The following DLG2 variants were observed in gnomAD, a reference collection of about 807,000 sequenced individuals.
The protein encoded by DLG2 is discs large MAGUK scaffold protein 2, also known as disks large homolog 2.
DLG2 carries 45 observed loss-of-function variants against 132.5 expected under a neutral mutation model. The ratio of observed to expected loss-of-function variants is 0.34; its 90% confidence interval spans 0.27 to 0.44. The LOEUF (loss-of-function observed/expected upper bound fraction) is 0.44, where lower values mean the gene tolerates loss of function less well. Among genes scored for constraint, DLG2 ranks in the 20% least tolerant of loss-of-function variants. The pLI is 1.00. For synonymous variants in DLG2, 424 were observed against 419.6 expected (o/e 1.01, Z -0.13); for missense variants, 1,045 against 1,196.9 (o/e 0.87, Z 1.87).
chr11:84,714,313 T>C (rs1234733265), intron 6 of DLG2, among the ~76,000 whole-genome samples: 4 of 152,156 alleles, frequency 2.6e-5, no homozygotes, highest in African/African-American at 9.7e-5. Flanking sequence ...ACTAATGTTT[T>C]ACAACAAAGT....
intron 3 of DLG2, among the ~76,000 whole-genome samples, chr11:85,571,469 A>C (rs1270251519): frequency 6.6e-6 from 1 of 152,142 alleles, no homozygotes. Context: ...ACTCTTGTGT[A>C]TGCTAGGATA....
intron 6 of DLG2, among the ~76,000 whole-genome samples, chr11:84,540,778 C>G (rs1344151427): frequency 6.6e-6 from 1 of 152,184 alleles, no homozygotes; most frequent in Non-Finnish European, 1.5e-5. Context: ...ATACCAAAGA[C>G]TTGGAACCAA....
At chr11:84,163,615 T>C (rs1596409415) in intron 8 of DLG2, 104 bp from the exon 9 acceptor site, 4 of 860,714 alleles carry the variant, frequency 4.6e-6, no homozygotes, top group East Asian at 2.7e-5. Context: ...ATTCTAGCTA[T>C]AAATAACCAC....
chr11:84,883,000 A>G (rs2087602664), intron 6 of DLG2, among the ~76,000 whole-genome samples: 1 of 152,144 alleles, frequency 6.6e-6, no homozygotes, highest in South Asian at 2.1e-4. Flanking sequence ...TTATAAAGAC[A>G]CATGCACACG....
intron 6 of DLG2, among the ~76,000 whole-genome samples, chr11:84,876,646 T>C (rs141081254): frequency 0.15 from 22,366 of 152,164 alleles, 1,739 homozygotes; most frequent in African/African-American, 0.2. Flanking sequence ...CCTGGATTCA[T>C]TGATTTTTTG....
chr11:83,671,966 T>C (rs985710520), intron 18 of DLG2, among the ~76,000 whole-genome samples: 3 of 152,126 alleles, frequency 2.0e-5, no homozygotes, highest in African/African-American at 7.2e-5. Context: ...GTTTCCCCTA[T>C]GTCTCTTTTT....
At chr11:83,949,760 GC>G (rs1231930405) in intron 14 of DLG2, among the ~76,000 whole-genome samples, 1 of 151,958 alleles carries the variant, frequency 6.6e-6, no homozygotes, top group Admixed American at 6.6e-5. Flanking sequence ...CTTGACATGT[GC>G]CTAGACTTAT....
chr11:84,857,685 T>C (rs1230493138), intron 6 of DLG2, among the ~76,000 whole-genome samples: 1 of 152,076 alleles, frequency 6.6e-6, no homozygotes, highest in African/African-American at 2.4e-5. Context: ...TTGCTATGTC[T>C]CCCCATCTAA....
At chr11:84,796,551 C>T (rs1008345385) in intron 6 of DLG2, among the ~76,000 whole-genome samples, 1 of 152,186 alleles carries the variant, frequency 6.6e-6, no homozygotes, top group African/African-American at 2.4e-5. Context: ...GGTTGAAGAA[C>T]TCCCTTTAGC....
At chr11:83,632,061 A>G (rs1256337065) in intron 19 of DLG2, 1 of 152,180 alleles carries the variant, frequency 6.6e-6, no homozygotes, top group African/African-American at 2.4e-5. Flanking sequence ...TAGGGTTAAT[A>G]ACTTGTTTTT....
chr11:83,898,602 A>G lies in DLG2; in HGVS notation c.1497-24114T>C, dbSNP rs182266427. 7.1e-4 allele frequency among the ~76,000 whole-genome samples: 108 copies of G among 152,212 alleles called. 1 individual carries two copies. In the Middle Eastern group the frequency reaches 0.014, roughly 20 times the overall value. On this transcript the variant is annotated intron_variant, in intron 15 of 27. Coordinates refer to ENST00000376104, the MANE Select transcript of DLG2 (RefSeq NM_001142699.3). ...TTTCTATTATTACTTTCTATGAGAT[A>G]TTATTTAAAAAATAAATCTCATTGG...
chr11:85,049,978 A>C (rs1390346927), intron 6 of DLG2, among the ~76,000 whole-genome samples: 1 of 152,028 alleles, frequency 6.6e-6, no homozygotes, highest in East Asian at 1.9e-4. Context: ...CTATGATGGG[A>C]ATCTCTAGCT....
intron 6 of DLG2, among the ~76,000 whole-genome samples, chr11:85,017,389 A>G (rs2059664312): frequency 6.7e-6 from 1 of 148,166 alleles, no homozygotes; most frequent in South Asian, 2.1e-4. Flanking sequence ...CTGTAACCTG[A>G]TTTTTGCCCC....
intron 6 of DLG2, among the ~76,000 whole-genome samples, chr11:84,712,889 C>T (rs975509889): frequency 1.3e-5 from 2 of 152,070 alleles, no homozygotes; most frequent in African/African-American, 2.4e-5. Context: ...ACATTGAGTT[C>T]GAAACTAGAA....
chr11:85,624,587 T>C (rs76474713), intron 2 of DLG2, among the ~76,000 whole-genome samples: 5,558 of 152,302 alleles, frequency 0.036, 156 homozygotes, highest in Admixed American at 0.053. Context: ...TCTTATATTA[T>C]ATAAACAGTA....
At position 84,106,957 on chromosome 11, in the gene DLG2, AGAG is replaced by A. The variant is rs2092987907; in HGVS notation, c.625-7913_625-7911del. On this transcript the variant is annotated intron_variant, in intron 9 of 27. Transcript: ENST00000376104. ...GAGTGTGTGTGTGAGAGAGAGAAAG[AGAG>A]AGAGAGTTTTAGCCTTAGGGTGTGT... 3.7e-4 allele frequency among the ~76,000 whole-genome samples: 7 copies of A among 18,954 alleles called. No homozygotes were observed. The South Asian group carries it at 0.01, about 28-fold the overall frequency. 12.4% of individuals were successfully genotyped at this position (18,954 alleles called of 152,430 possible).
chr11:84,953,701 T>A (rs2051252744), intron 6 of DLG2, among the ~76,000 whole-genome samples: 1 of 152,192 alleles, frequency 6.6e-6, no homozygotes, highest in South Asian at 2.1e-4. Flanking sequence ...CATCCTACTT[T>A]ATTTTCCATA....
intron 21 of DLG2, among the ~76,000 whole-genome samples, chr11:83,507,794 A>AAC (rs2094806611): frequency 9.1e-6 from 1 of 109,752 alleles, no homozygotes; most frequent in Admixed American, 9.1e-5. Flanking sequence ...ATATATATAT[A>AAC]TATATGTATA....
Position 85,137,586 on chromosome 11 carries a change from C to T in DLG2, c.282+16970G>A, listed in dbSNP as rs563828204. On this transcript the variant is annotated intron_variant, in intron 5 of 27. Coordinates refer to ENST00000376104, the MANE Select transcript of DLG2 (RefSeq NM_001142699.3). ...TCCATGCAGATGAACTATAAACAAC[C>T]TGTGATCCTCCTAAAAAGATAGGTT... is the stretch of plus-strand genomic sequence containing the variant. 4.6e-5 allele frequency among the ~76,000 whole-genome samples: 7 copies of T among 152,230 alleles called. No homozygotes were observed. In the South Asian group the frequency reaches 8.3e-4, roughly 18 times the overall value.
Sources: allele counts gnomAD v4.1 joint callset (sites outside exome capture counted in the v4.1 genomes callset), GRCh38; gene constraint gnomAD v4.1.1; transcripts MANE v1.5; gene names NCBI Gene and HGNC (gene_info 2026-07-23, HGNC 2026-07-21).